The following CADM2 variants were observed in gnomAD, a reference collection of about 807,000 sequenced individuals.
CADM2 encodes the protein immunoglobulin superfamily member 4D.
In CADM2, 12 loss-of-function variants were observed where a neutral mutation model predicts 49.8. The ratio of observed to expected loss-of-function variants is 0.24; its 90% CI spans 0.15 to 0.39. The LOEUF is 0.39. CADM2 is among the 10% of genes least tolerant of loss of function. The pLI is 1.00. For synonymous variants in CADM2, 214 were observed against 175.4 expected, an observed-to-expected ratio of 1.22 and a Z score of -1.74; for missense variants, 378 against 492.3, an observed-to-expected ratio of 0.77 and a Z score of 2.20.
intron 1 of CADM2, among the ~76,000 whole-genome samples, chr3:85,639,234 A>C: frequency 6.6e-6 from 1 of 152,354 alleles, no homozygotes; most frequent in Non-Finnish European, 1.5e-5. Context: ...TACTTTTATT[A>C]AAATATCATA....
chr3:85,024,118 T>C (rs1208392395), intron 1 of CADM2, among the ~76,000 whole-genome samples: 1 of 152,134 alleles, frequency 6.6e-6, no homozygotes, highest in Admixed American at 6.5e-5. Flanking sequence ...TGGAGTGCTC[T>C]ATTGACACAA....
chr3:85,885,562 A>T (rs1713491959), intron 4 of CADM2, among the ~76,000 whole-genome samples: 1 of 151,678 alleles, frequency 6.6e-6, no homozygotes, highest in South Asian at 2.1e-4. Flanking sequence ...CCCACCTGTA[A>T]TCCCAGCTAC....
intron 1 of CADM2, among the ~76,000 whole-genome samples, chr3:85,321,112 ATAT>A (rs2044592405): frequency 2.8e-5 from 1 of 35,848 alleles, no homozygotes; most frequent in African/African-American, 9.2e-5. Context: ...ATATATATAT[ATAT>A]ATTTTTTTTT....
chr3:85,399,217 G>A (rs907952441), intron 1 of CADM2, among the ~76,000 whole-genome samples: 1 of 152,162 alleles, frequency 6.6e-6, no homozygotes, highest in Non-Finnish European at 1.5e-5. Flanking sequence ...TGGCTAGGCA[G>A]TTTCCCAGCA....
At position 86,071,494 on chromosome 3, in the gene CADM2, G is replaced by A. The variant is rs1739862615; in HGVS notation, c.*4711G>A. On this transcript the variant is annotated 3_prime_UTR_variant, in exon 10 of 10. Transcript: ENST00000383699. ...TTTATGTATTGAGATTATTAATATT[G>A]AATGCAATAGTTATTGGATATAGCT... 6.6e-6 allele frequency: 1 copy of A among 151,796 alleles called. No individual in the cohort carries two copies. Among genetic ancestry groups the A allele is most frequent in the African/African-American group, 2.4e-5 (1 of 41,392 alleles). 9.4% of individuals were successfully genotyped at this position (151,796 alleles called of 1,614,324 possible). A position where few individuals can be genotyped will look rare whatever the true frequency, so the allele number is the denominator to read the frequency against.
intron 1 of CADM2, among the ~76,000 whole-genome samples, chr3:85,145,997 C>G (rs1164831753): frequency 1.3e-5 from 2 of 152,066 alleles, no homozygotes; most frequent in African/African-American, 4.8e-5. Context: ...AAATTCTTTG[C>G]GTTTGAAATT....
At chr3:85,588,781 C>A (rs887020911) in intron 1 of CADM2, among the ~76,000 whole-genome samples, 1 of 151,966 alleles carries the variant, frequency 6.6e-6, no homozygotes, top group African/African-American at 2.4e-5. Flanking sequence ...AGGGCAGACA[C>A]TCTGGTAGGT....
chr3:85,973,142 A>C (rs575844162), intron 8 of CADM2, among the ~76,000 whole-genome samples: 8 of 151,674 alleles, frequency 5.3e-5, no homozygotes, highest in Non-Finnish European at 1.0e-4. Context: ...ACTGATTCAT[A>C]TTTTTAAGAA....
In CADM2 at chr3:85,205,018, ATT is replaced by A. The variant is rs201950814; in HGVS notation, c.61+245366_61+245367del. Among the ~76,000 whole-genome samples, 1,027 of 140,960 alleles carry A rather than the reference ATT, an allele frequency of 7.3e-3. 9 individuals are homozygous for A. Among genetic ancestry groups the A allele is most frequent in the African/African-American group, 0.024 (917 of 38,678 alleles). The allele number at this position is 140,960 out of a possible 152,430, so 92.5% of individuals were successfully genotyped here. A position where few individuals can be genotyped will look rare whatever the true frequency, so the allele number is the denominator to read the frequency against. ...ATACTTTTTAAAACTACTTTACTTA[ATT>A]TTTTTTTTTTTTTTTGAGATAGGAT... On this transcript the variant is annotated intron_variant, in intron 1 of 9. Transcript: ENST00000383699.
In CADM2 at chr3:85,698,900, G is replaced by T. The variant is rs572256584; in HGVS notation, c.62-27622G>T. On this transcript the variant is annotated intron_variant, in intron 1 of 9. Coordinates refer to ENST00000383699, the MANE Select transcript of CADM2 (RefSeq NM_001167675.2). ...TAACTCATTTCAACATTAACTCAAAGGTCCACAGTCCAATGTCCTGTCTGA... is the reference window on the plus strand; with the variant it reads ...TAACTCATTTCAACATTAACTCAAATGTCCACAGTCCAATGTCCTGTCTGA... 5.4e-4 allele frequency among the ~76,000 whole-genome samples: 82 copies of T among 152,092 alleles called. 1 individual carries two copies. The highest frequency in any genetic ancestry group is 1.8e-3 in the African/African-American group (73 of 41,502).
rs535957645 is a variant in CADM2, at chr3:85,783,371, A to G, written c.89-18676A>G. On this transcript the variant is annotated intron_variant, in intron 2 of 9. Transcript: ENST00000383699. ...ATAAGTGTATGCCTTACTTCTCACC[A>G]ACACTTCTGCTTCTTATTTGGCATA... Among the ~76,000 whole-genome samples, 23 of 152,322 alleles carry G rather than the reference A, an allele frequency of 1.5e-4. No homozygotes were observed. The East Asian group carries it at 4.2e-3, about 28-fold the overall frequency.
At position 85,750,781 on chromosome 3, in the gene CADM2, C is replaced by T. The variant is rs149380392; in HGVS notation, c.88+24233C>T. ...GCATTTTTTTTTATTGACTAGTTTC[C>T]TAAGCTAGGGTCCTCCATGCTATCA... On this transcript the variant is annotated intron_variant, in intron 2 of 9. Transcript: ENST00000383699. 1.7e-3 allele frequency among the ~76,000 whole-genome samples: 261 copies of T among 151,880 alleles called. 1 individual carries two copies. Among genetic ancestry groups the T allele is most frequent in the African/African-American group, 5.9e-3 (245 of 41,436 alleles).
At chr3:85,055,887 A>G (rs2036062080) in intron 1 of CADM2, among the ~76,000 whole-genome samples, 1 of 151,972 alleles carries the variant, frequency 6.6e-6, no homozygotes, top group Non-Finnish European at 1.5e-5. Context: ...ACCTGGATCT[A>G]TGTTATTGAC....
At chr3:85,240,225 G>T (rs1294677797) in intron 1 of CADM2, among the ~76,000 whole-genome samples, 1 of 151,236 alleles carries the variant, frequency 6.6e-6, no homozygotes, top group South Asian at 2.1e-4. Flanking sequence ...ATGGGAAATA[G>T]GTATTTTTTT....
At chr3:85,232,486 C>T (rs371164755) in intron 1 of CADM2, among the ~76,000 whole-genome samples, 47 of 152,166 alleles carry the variant, frequency 3.1e-4, no homozygotes, top group African/African-American at 1.1e-3. Context: ...AGACAAGCCA[C>T]AGACTGAGAA....
In CADM2 at chr3:85,951,753, G is replaced by A. The variant is rs561596415; in HGVS notation, c.792-9716G>A. ...TGCACACTTGCATGATGACTTCAAG[G>A]ACAGTATTTAGTAAAACAAACATCA... On this transcript the variant is annotated intron_variant, in intron 7 of 9. Transcript: ENST00000383699. Among the ~76,000 whole-genome samples, 321 of 151,064 alleles carry A rather than the reference G, an allele frequency of 2.1e-3. 1 individual carries two copies. The highest frequency in any genetic ancestry group is 2.0e-3 in the Non-Finnish European group (132 of 67,294).
At chr3:85,420,524 ACT>A (rs2036123638) in intron 1 of CADM2, among the ~76,000 whole-genome samples, 1 of 152,032 alleles carries the variant, frequency 6.6e-6, no homozygotes, top group Admixed American at 6.6e-5. Flanking sequence ...AGCCCCAACT[ACT>A]CCTCTGGAGC....
At chr3:85,492,556 C>A (rs770858892) in intron 1 of CADM2, among the ~76,000 whole-genome samples, 1 of 151,868 alleles carries the variant, frequency 6.6e-6, no homozygotes, top group Non-Finnish European at 1.5e-5. Flanking sequence ...CCACTGCACT[C>A]CAGCCTGGGC....
chr3:85,101,889 G>A (rs997772184), intron 1 of CADM2, among the ~76,000 whole-genome samples: 17 of 152,094 alleles, frequency 1.1e-4, no homozygotes, highest in Admixed American at 6.6e-5. Flanking sequence ...GTCAAGGCAG[G>A]TTGTGCATGT....
Sources: allele counts gnomAD v4.1 joint callset (sites outside exome capture counted in the v4.1 genomes callset), GRCh38; gene constraint gnomAD v4.1.1; transcripts MANE v1.5; gene names NCBI Gene and HGNC (gene_info 2026-07-23, HGNC 2026-07-21).